CTNNA2: variants seen among roughly 807,000 people sequenced by gnomAD.
CTNNA2 encodes catenin alpha 2.
In CTNNA2, 42 loss-of-function variants were observed where a neutral mutation model predicts 101.0. That is an observed-to-expected ratio of 0.42 (90% CI 0.32 to 0.54). The LOEUF (loss-of-function observed/expected upper bound fraction) is 0.54, where lower values mean the gene tolerates loss of function less well. Among genes scored for constraint, CTNNA2 ranks in the 20% least tolerant of loss-of-function variants. The pLI, the probability that CTNNA2 is intolerant of heterozygous loss-of-function variation, is 0.14. For missense variants in CTNNA2, 871 were observed against 1,223.1 expected, an observed-to-expected ratio of 0.71 and a Z score of 4.29; for synonymous variants, 450 against 456.4, an observed-to-expected ratio of 0.99 and a Z score of 0.18.
intron 7 of CTNNA2, among the ~76,000 whole-genome samples, chr2:80,280,977 T>G (rs1283604932): frequency 1.3e-5 from 2 of 152,148 alleles, no homozygotes; most frequent in African/African-American, 2.4e-5. Context: ...AAATATTATT[T>G]CCTTTGGTGA....
chr2:79,395,927 A>G (rs1258694341), intron 4 of CTNNA2, among the ~76,000 whole-genome samples: 1 of 152,178 alleles, frequency 6.6e-6, no homozygotes, highest in Admixed American at 6.5e-5. Context: ...ATCTTAACAC[A>G]AAGACTAGCA....
At chr2:80,042,994 TCCTTC>T (rs1489676654) in intron 7 of CTNNA2, among the ~76,000 whole-genome samples, 1 of 151,208 alleles carries the variant, frequency 6.6e-6, no homozygotes, top group Non-Finnish European at 1.5e-5. Flanking sequence ...TCCTTTCCTT[TCCTTC>T]CTTTCCTTCC....
At chr2:80,174,010 T>G (rs1306384039) in intron 7 of CTNNA2, among the ~76,000 whole-genome samples, 8 of 152,208 alleles carry the variant, frequency 5.3e-5, no homozygotes, top group Admixed American at 5.2e-4. Flanking sequence ...TCCATTCCAC[T>G]ATTGCACAAC....
chr2:79,541,075 C>A (rs1157486586), intron 1 of CTNNA2, among the ~76,000 whole-genome samples: 1 of 151,962 alleles, frequency 6.6e-6, no homozygotes. Context: ...AAAAACATTT[C>A]TTTGTTAGGT....
At chr2:80,583,882 T>C (rs6753252) in intron 14 of CTNNA2, among the ~76,000 whole-genome samples, 7,619 of 152,178 alleles carry the variant, frequency 0.05, 515 homozygotes, top group African/African-American at 0.15. Flanking sequence ...CAGCATGAAT[T>C]ATAAACAGGG....
intron 9 of CTNNA2, among the ~76,000 whole-genome samples, chr2:80,501,466 T>A (rs1161945785): frequency 6.6e-6 from 1 of 152,232 alleles, no homozygotes; most frequent in Non-Finnish European, 1.5e-5. Flanking sequence ...TTTAGTTCTC[T>A]ACCAGCTCAA....
chr2:80,256,697 T>C (rs1672185630), intron 7 of CTNNA2, among the ~76,000 whole-genome samples: 1 of 152,178 alleles, frequency 6.6e-6, no homozygotes, highest in Non-Finnish European at 1.5e-5. Flanking sequence ...GGAACACCAG[T>C]TCATCATTGC....
chr2:79,917,910 T>A (rs1423989269), intron 7 of CTNNA2, among the ~76,000 whole-genome samples: 2 of 152,140 alleles, frequency 1.3e-5, no homozygotes, highest in Non-Finnish European at 2.9e-5. Flanking sequence ...GAGGGTGTTC[T>A]GGATACAGTA....
intron 2 of CTNNA2, among the ~76,000 whole-genome samples, chr2:79,709,877 T>A (rs1281221712): frequency 6.6e-6 from 1 of 151,922 alleles, no homozygotes; most frequent in Non-Finnish European, 1.5e-5. Flanking sequence ...ATTGGGACAA[T>A]AACAGAGACA....
intron 3 of CTNNA2, among the ~76,000 whole-genome samples, chr2:79,829,412 C>CAG (rs1678713447): frequency 1.6e-5 from 2 of 127,212 alleles, no homozygotes; most frequent in East Asian, 2.4e-4. Flanking sequence ...CACACACACA[C>CAG]ACAGACACAA....
intron 2 of CTNNA2, among the ~76,000 whole-genome samples, chr2:79,654,767 C>T (rs1048269431): frequency 1.3e-5 from 2 of 152,000 alleles, no homozygotes; most frequent in African/African-American, 4.8e-5. Context: ...AGTCATGACT[C>T]TTGTTAGTTC....
chr2:80,372,948 T>C (rs1358814684), intron 7 of CTNNA2, among the ~76,000 whole-genome samples: 2 of 152,170 alleles, frequency 1.3e-5, no homozygotes, highest in East Asian at 1.9e-4. Context: ...TATTCTACAA[T>C]GCCTAGGGTA....
chr2:79,846,757 T>C (rs1225201241), intron 3 of CTNNA2, among the ~76,000 whole-genome samples: 2 of 152,218 alleles, frequency 1.3e-5, no homozygotes, highest in Non-Finnish European at 2.9e-5. Flanking sequence ...AGTTATTTTC[T>C]GAAATTCAGA....
At chr2:80,349,707 A>G (rs1255518712) in intron 7 of CTNNA2, among the ~76,000 whole-genome samples, 1 of 151,952 alleles carries the variant, frequency 6.6e-6, no homozygotes, top group Non-Finnish European at 1.5e-5. Context: ...AATTAAATCG[A>G]TGGGGTCTTG....
chr2:80,472,941 T>G (rs1294631647), intron 9 of CTNNA2, among the ~76,000 whole-genome samples: 2 of 152,148 alleles, frequency 1.3e-5, no homozygotes, highest in Admixed American at 6.6e-5. Context: ...CACCTTCTCG[T>G]TCAGCTTGTC....
intron 2 of CTNNA2, among the ~76,000 whole-genome samples, chr2:79,203,559 T>C (rs1217552715): frequency 1.3e-5 from 2 of 152,072 alleles, no homozygotes; most frequent in Non-Finnish European, 2.9e-5. Flanking sequence ...GCAAAATAGC[T>C]CAAAGACAAT....
rs556304106 is a variant in CTNNA2, at chr2:80,318,191, C to A, written c.1057-75020C>A. 2.0e-5 allele frequency among the ~76,000 whole-genome samples: 3 copies of A among 152,270 alleles called. No homozygotes were observed. In the East Asian group the frequency reaches 5.8e-4, roughly 29 times the overall value. On this transcript the variant is annotated intron_variant, in intron 7 of 18. Coordinates refer to ENST00000402739, the MANE Select transcript of CTNNA2 (RefSeq NM_001282597.3). ...ATAATAGTCTTTTCTTTGAAGAGTT[C>A]ACTCACTAGTAGGAGAATCATACTC... is the stretch of plus-strand genomic sequence containing the variant.
At chr2:79,567,842 A>T (rs1311469232) in intron 1 of CTNNA2, among the ~76,000 whole-genome samples, 1 of 152,122 alleles carries the variant, frequency 6.6e-6, no homozygotes, top group Non-Finnish European at 1.5e-5. Flanking sequence ...GACCATCCAA[A>T]CTGGAGGCTC....
At chr2:79,480,010 G>A (rs977360650) in intron 4 of CTNNA2, among the ~76,000 whole-genome samples, 7 of 152,236 alleles carry the variant, frequency 4.6e-5, no homozygotes, top group East Asian at 3.9e-4. Flanking sequence ...AGTACAAGAA[G>A]CATGGCACTG....
Sources: gnomAD v4.1 joint callset for allele counts (sites outside exome capture counted in the v4.1 genomes callset) on GRCh38, gnomAD v4.1.1 for gene constraint, MANE v1.5 for transcripts, NCBI Gene and HGNC (gene_info 2026-07-23, HGNC 2026-07-21) for gene names.